ZNF277: variants seen among roughly 807,000 people sequenced by gnomAD.
ZNF277 encodes zinc finger protein 277.
ZNF277 carries 55 observed loss-of-function variants against 60.7 expected under a neutral mutation model. That is an observed-to-expected ratio of 0.91 (90% CI 0.73 to 1.13). The LOEUF (loss-of-function observed/expected upper bound fraction) is 1.13. ZNF277 is among the 50% of genes most tolerant of loss of function. The probability of loss-of-function intolerance (pLI) is 0.00; values close to 1 mark genes in which losing one functional copy is unlikely to be tolerated. For synonymous variants in ZNF277, 178 were observed against 179.3 expected (o/e 0.99, Z 0.06); for missense variants, 510 against 523.0 (o/e 0.98, Z 0.24).
intron 1 of ZNF277, among the ~76,000 whole-genome samples, chr7:112,240,529 A>C (rs1446193898): frequency 1.3e-5 from 2 of 152,184 alleles, no homozygotes; most frequent in African/African-American, 2.4e-5. Context: ...TATGTACCCC[A>C]AAAATATATA....
chr7:112,266,283 A>C (rs539650796), intron 1 of ZNF277, among the ~76,000 whole-genome samples: 5 of 152,066 alleles, frequency 3.3e-5, no homozygotes, highest in Admixed American at 2.6e-4. Flanking sequence ...AGTAGCTAGG[A>C]TTACAGGCAC....
chr7:112,242,013 T>G (rs1244358994), intron 1 of ZNF277, among the ~76,000 whole-genome samples: 1 of 152,132 alleles, frequency 6.6e-6, no homozygotes, highest in Non-Finnish European at 1.5e-5. Flanking sequence ...GGAATATTTG[T>G]AATGGAAATG....
chr7:112,312,606 A>G (rs932235204), intron 4 of ZNF277, among the ~76,000 whole-genome samples: 4 of 152,112 alleles, frequency 2.6e-5, no homozygotes, highest in African/African-American at 4.8e-5. Context: ...GTACGCGTGC[A>G]TGTGAAGAGA....
intron 1 of ZNF277, among the ~76,000 whole-genome samples, chr7:112,208,870 C>T (rs959832888): frequency 1.3e-5 from 2 of 151,878 alleles, no homozygotes; most frequent in African/African-American, 4.8e-5. Flanking sequence ...TTAGTAGAGA[C>T]GGGGTTTCAC....
At chr7:112,275,068 A>G (rs1389421841) in intron 1 of ZNF277, among the ~76,000 whole-genome samples, 1 of 152,170 alleles carries the variant, frequency 6.6e-6, no homozygotes, top group African/African-American at 2.4e-5. Flanking sequence ...GGTTAATTAG[A>G]TTTACCAGAA....
chr7:112,294,727 A>C (rs762210349), intron 2 of ZNF277, among the ~76,000 whole-genome samples: 2 of 152,184 alleles, frequency 1.3e-5, no homozygotes, highest in Non-Finnish European at 2.9e-5. Context: ...TCTCCAGCAC[A>C]GACTTCTAAT....
At chr7:112,336,370 C>A (rs1346634628) in intron 8 of ZNF277, among the ~76,000 whole-genome samples, 199 bp downstream of exon 8, 1 of 152,130 alleles carries the variant, frequency 6.6e-6, no homozygotes, top group Non-Finnish European at 1.5e-5. Context: ...CACTGTTATT[C>A]CAACTAAATT....
chr7:112,297,276 T>TA (rs1792378200), intron 4 of ZNF277, among the ~76,000 whole-genome samples: 1 of 152,158 alleles, frequency 6.6e-6, no homozygotes, highest in Non-Finnish European at 1.5e-5. Context: ...TTTAAATTGT[T>TA]ACTTTTGTTT....
intron 4 of ZNF277, among the ~76,000 whole-genome samples, chr7:112,299,978 C>CTT (rs138497529): frequency 0.059 from 8,978 of 152,214 alleles, 701 homozygotes; most frequent in African/African-American, 0.18. Context: ...TTCAAAATGA[C>CTT]TGTAACTTAA....
chr7:112,211,679 A>G (rs1821752696), intron 1 of ZNF277, among the ~76,000 whole-genome samples: 1 of 152,224 alleles, frequency 6.6e-6, no homozygotes, highest in Non-Finnish European at 1.5e-5. Context: ...TGCTACATGT[A>G]TAATTAGGTC....
intron 7 of ZNF277, among the ~76,000 whole-genome samples, chr7:112,334,246 A>G (rs1237532514): frequency 6.6e-6 from 1 of 151,234 alleles, no homozygotes; most frequent in African/African-American, 2.4e-5. Context: ...GTTTTTTTCC[A>G]CCCTCTCATT....
chr7:112,219,250 T>C (rs567135178), intron 1 of ZNF277, among the ~76,000 whole-genome samples: 1 of 152,244 alleles, frequency 6.6e-6, no homozygotes, highest in Non-Finnish European at 1.5e-5. Context: ...CTTTTTCCTT[T>C]AGTTGCCTGT....
intron 1 of ZNF277, among the ~76,000 whole-genome samples, chr7:112,253,308 T>C (rs1433155793): frequency 6.6e-6 from 1 of 152,234 alleles, no homozygotes; most frequent in Non-Finnish European, 1.5e-5. Context: ...GAAACTTCCA[T>C]GGAGATGGCA....
chr7:112,282,927 G>T (rs1341079037), intron 1 of ZNF277, among the ~76,000 whole-genome samples: 1 of 152,186 alleles, frequency 6.6e-6, no homozygotes, highest in Non-Finnish European at 1.5e-5. Context: ...GGGTTATTGT[G>T]AGGGTTAATT....
chr7:112,330,278 G>C (rs1215196001), intron 7 of ZNF277, 62 bp downstream of exon 7: 1 of 1,539,570 alleles, frequency 6.5e-7, no homozygotes, highest in Non-Finnish European at 8.9e-7. Flanking sequence ...ATCTTTCTGA[G>C]GACCAACTAA....
At chr7:112,227,892 T>G (rs1012385898) in intron 1 of ZNF277, among the ~76,000 whole-genome samples, 5 of 152,208 alleles carry the variant, frequency 3.3e-5, no homozygotes, top group African/African-American at 1.2e-4. Context: ...AGAGAAATTT[T>G]AAGTCTAATA....
intron 4 of ZNF277, among the ~76,000 whole-genome samples, chr7:112,297,206 C>T (rs984978553): frequency 4.6e-5 from 7 of 151,696 alleles, no homozygotes; most frequent in Non-Finnish European, 8.8e-5. Flanking sequence ...AGATTACAGG[C>T]GGGAGCCACT....
chr7:112,296,839 G>C lies in ZNF277; in HGVS notation c.465+528G>C, dbSNP rs1426628592. ...TCTTTAGCCTTTAAAAAAGATAACA[G>C]CACATACAAGCATGAAAATTTTTAT... On this transcript the variant is annotated intron_variant, in intron 4 of 11. Coordinates refer to ENST00000361822, the MANE Select transcript of ZNF277 (RefSeq NM_021994.3). Among the ~76,000 whole-genome samples the C allele has an allele frequency of 3.4e-5, 5 of 146,854 alleles. 1 individual carries two copies. Among genetic ancestry groups the C allele is most frequent in the African/African-American group, 1.2e-4 (5 of 40,494 alleles).
At chr7:112,336,254 C>T (rs1584421469) in intron 8 of ZNF277, 83 bp downstream of exon 8, 3 of 1,259,100 alleles carry the variant, frequency 2.4e-6, no homozygotes, top group East Asian at 2.6e-5. Context: ...AATTATGAAG[C>T]GGGAACATAA....
Sources: allele counts gnomAD v4.1 joint callset (sites outside exome capture counted in the v4.1 genomes callset), GRCh38; gene constraint gnomAD v4.1.1; transcripts MANE v1.5; gene names NCBI Gene and HGNC (gene_info 2026-07-23, HGNC 2026-07-21).